SETBP1: variants seen among roughly 807,000 people sequenced by gnomAD.
The protein encoded by SETBP1 is SET-binding protein.
In SETBP1, 9 loss-of-function variants were observed where a neutral mutation model predicts 101.0. The ratio of observed to expected loss-of-function variants is 0.09; its 90% CI spans 0.05 to 0.16. SETBP1 has a LOEUF of 0.16. SETBP1 is among the 10% of genes least tolerant of loss of function. SETBP1 has a pLI of 1.00. For missense variants in SETBP1, 1,858 were observed against 2,033.8 expected (o/e 0.91, Z 1.66); for synonymous variants, 818 against 788.5 (o/e 1.04, Z -0.63).
At chr18:44,944,688 A>G (rs536881335) in intron 3 of SETBP1, among the ~76,000 whole-genome samples, 4 of 152,334 alleles carry the variant, frequency 2.6e-5, no homozygotes, top group Admixed American at 6.5e-5. Flanking sequence ...TCTTACAAAC[A>G]GTAAATTTAA....
At chr18:44,877,763 T>C (rs1012814321) in intron 3 of SETBP1, among the ~76,000 whole-genome samples, 1 of 152,022 alleles carries the variant, frequency 6.6e-6, no homozygotes, top group Non-Finnish European at 1.5e-5. Flanking sequence ...GTGTTTTTAG[T>C]GGATTTTTTT....
chr18:45,047,339 A>G (rs1326234998), intron 5 of SETBP1, among the ~76,000 whole-genome samples: 2 of 152,220 alleles, frequency 1.3e-5, no homozygotes, highest in Non-Finnish European at 2.9e-5. Context: ...GGAGAGAATG[A>G]AAGGAGACTC....
intron 2 of SETBP1, among the ~76,000 whole-genome samples, chr18:44,804,265 G>A (rs1460054357): frequency 1.3e-5 from 2 of 152,138 alleles, no homozygotes; most frequent in African/African-American, 2.4e-5. Flanking sequence ...AGGTTATGAG[G>A]ATGAAAGAGG....
chr18:44,983,491 G>T lies in SETBP1; in HGVS notation c.4000+30151G>T, dbSNP rs192248334. On this transcript the variant is annotated intron_variant, in intron 4 of 5. Coordinates refer to ENST00000649279, the MANE Select transcript of SETBP1 (RefSeq NM_015559.3). ...TTTCCAAGGTCATAGAGCCCACATG[G>T]AGTAGAGCCAAGATTTGCCCCAAGC... Among the ~76,000 whole-genome samples, 269 of 152,266 alleles carry T rather than the reference G, an allele frequency of 1.8e-3. 2 individuals are homozygous for T. Among genetic ancestry groups the T allele is most frequent in the African/African-American group, 6.3e-3 (261 of 41,548 alleles).
chr18:44,975,991 A>G (rs1302812567), intron 4 of SETBP1, among the ~76,000 whole-genome samples: 4 of 151,804 alleles, frequency 2.6e-5, no homozygotes, highest in Non-Finnish European at 4.4e-5. Flanking sequence ...TTAAGGAATT[A>G]TTTCTCAAAA....
At chr18:44,969,230 TG>T (rs1410091741) in intron 4 of SETBP1, among the ~76,000 whole-genome samples, 2 of 152,234 alleles carry the variant, frequency 1.3e-5, no homozygotes, top group African/African-American at 2.4e-5. Flanking sequence ...GGAAGAAAGC[TG>T]CAGTTTTTCT....
rs1291603002 is a variant in SETBP1, at chr18:44,903,430, CTAAG to C, written c.540+34152_540+34155del. Among the ~76,000 whole-genome samples, 3 of 152,124 alleles carry C rather than the reference CTAAG, an allele frequency of 2.0e-5. No homozygotes were observed. In the East Asian group the frequency reaches 5.8e-4, roughly 29 times the overall value. ...TAGATCCCTTTCGCTTATCAGCCAACTAAGTAAGAAAACTCTCTTTTGAACAATG... is the reference window on the plus strand; with the variant it reads ...TAGATCCCTTTCGCTTATCAGCCAACTAAGAAAACTCTCTTTTGAACAATG... On this transcript the variant is annotated intron_variant, in intron 3 of 5. Coordinates refer to ENST00000649279, the MANE Select transcript of SETBP1 (RefSeq NM_015559.3).
intron 2 of SETBP1, among the ~76,000 whole-genome samples, chr18:44,744,795 C>T (rs1419682501): frequency 7.4e-6 from 1 of 134,512 alleles, no homozygotes; most frequent in African/African-American, 2.7e-5. Flanking sequence ...AAAAAAAAAA[C>T]GCTTTCTTCG....
chr18:44,962,626 C>CA (rs1282851287), intron 4 of SETBP1, among the ~76,000 whole-genome samples: 1 of 151,980 alleles, frequency 6.6e-6, no homozygotes, highest in Non-Finnish European at 1.5e-5. Context: ...ACCCATTCTA[C>CA]AAAAAAAGAA....
At chr18:44,854,630 A>T (rs1411546624) in intron 2 of SETBP1, among the ~76,000 whole-genome samples, 1 of 152,166 alleles carries the variant, frequency 6.6e-6, no homozygotes, top group Non-Finnish European at 1.5e-5. Context: ...TCAACTTCTT[A>T]GGCAAAAACC....
chr18:44,981,758 C>G (rs941410599), intron 4 of SETBP1, among the ~76,000 whole-genome samples: 2 of 152,134 alleles, frequency 1.3e-5, no homozygotes, highest in Non-Finnish European at 2.9e-5. Context: ...TTGGTTGCTT[C>G]TTTTTCCCCC....
At chr18:45,056,688 AC>A (rs1203657481) in intron 5 of SETBP1, among the ~76,000 whole-genome samples, 1 of 151,842 alleles carries the variant, frequency 6.6e-6, no homozygotes, top group Non-Finnish European at 1.5e-5. Flanking sequence ...TAAATCCAAC[AC>A]CCTTCCTGAG....
intron 4 of SETBP1, among the ~76,000 whole-genome samples, chr18:44,989,511 A>C (rs2145274843): frequency 1.3e-5 from 2 of 152,264 alleles, no homozygotes; most frequent in Middle Eastern, 3.4e-3. Flanking sequence ...TAGTAAAAGG[A>C]ATAGAGTGAA....
At chr18:44,917,937 G>A (rs907702920) in intron 3 of SETBP1, among the ~76,000 whole-genome samples, 4 of 152,094 alleles carry the variant, frequency 2.6e-5, no homozygotes, top group African/African-American at 9.7e-5. Flanking sequence ...CCACCACAGC[G>A]AGCTTGTGTC....
At position 44,951,725 on chromosome 18, in the gene SETBP1, T is replaced by G; in HGVS notation, c.2385T>G (p.Thr795=). The change falls in exon 4 of 6, where the codon ACT becomes ACG. Residue 795 remains threonine, a synonymous_variant. Transcript: ENST00000649279. The surrounding 1 kb of genome is among the most constrained non-coding windows in gnomAD (Gnocchi z 7.8). ...ATGGCAACCTGAGCCCTGCCAGCAC[T>G]GAAACCAATTTTTCAGAGTTGAAAA... The part of the protein sequence containing the change: ...GSNGNLSPAS[T]ETNFSELKTM... 6.2e-7 allele frequency: 1 copy of G among 1,614,146 alleles called. No individual in the cohort carries two copies.
chr18:44,702,160 A>T (rs2144201785), intron 2 of SETBP1, among the ~76,000 whole-genome samples: 1 of 152,308 alleles, frequency 6.6e-6, no homozygotes, highest in African/African-American at 2.4e-5. Flanking sequence ...AGAAGAAAAA[A>T]TATATTTGCT....
intron 2 of SETBP1, among the ~76,000 whole-genome samples, chr18:44,706,769 A>C (rs1227927688): frequency 6.6e-6 from 1 of 152,110 alleles, no homozygotes; most frequent in African/African-American, 2.4e-5. Context: ...AATGGATGCC[A>C]TACAGTGACT....
intron 2 of SETBP1, among the ~76,000 whole-genome samples, chr18:44,766,250 G>T (rs1012954027): frequency 6.6e-6 from 1 of 152,226 alleles, no homozygotes; most frequent in Non-Finnish European, 1.5e-5. Flanking sequence ...TGGACAACGG[G>T]TCATGGGGCT....
At chr18:45,007,495 G>A (rs2072754449) in intron 4 of SETBP1, among the ~76,000 whole-genome samples, 1 of 151,698 alleles carries the variant, frequency 6.6e-6, no homozygotes, top group Non-Finnish European at 1.5e-5. Context: ...AAGCCTATGA[G>A]GCCTCCAGGC....
Sources: gnomAD v4.1 joint callset for allele counts (sites outside exome capture counted in the v4.1 genomes callset) on GRCh38, gnomAD v4.1.1 for gene constraint, Gnocchi (gnomAD v3.1) non-coding constraint, MANE v1.5 for transcripts, NCBI Gene and HGNC (gene_info 2026-07-23, HGNC 2026-07-21) for gene names.